The following UCK1 variants were observed in gnomAD, a reference collection of about 807,000 sequenced individuals.
The protein encoded by UCK1 is cytidine monophosphokinase 1.
UCK1 carries 20 observed loss-of-function variants against 34.0 expected under a neutral mutation model. The observed-to-expected ratio is 0.59, with a 90% CI of 0.41 to 0.86. The LOEUF is 0.86. UCK1 is among the 40% of genes least tolerant of loss of function. The pLI, the probability that UCK1 is intolerant of heterozygous loss-of-function variation, is 0.00. For synonymous variants in UCK1, 168 were observed against 155.9 expected, an observed-to-expected ratio of 1.08 and a Z score of -0.58; for missense variants, 343 against 383.6, an observed-to-expected ratio of 0.89 and a Z score of 0.88.
chr9:131,525,857 A>T, intron 6 of UCK1, 72 bp downstream of exon 6: 1 of 1,517,770 alleles, frequency 6.6e-7, no homozygotes, highest in Non-Finnish European at 9.1e-7. Context: ...CAGTAACTGC[A>T]CACTGGTGGA....
At chr9:131,526,587 G>A (rs1564405349) in intron 5 of UCK1, 1 of 1,222,756 alleles carries the variant, frequency 8.2e-7, no homozygotes, top group Non-Finnish European at 1.1e-6. Flanking sequence ...TGGGGGTTGG[G>A]GGGTGGCTTT....
chr9:131,526,899 G>C (rs1403647611), intron 5 of UCK1, among the ~76,000 whole-genome samples: 1 of 152,202 alleles, frequency 6.6e-6, no homozygotes, highest in African/African-American at 2.4e-5. Context: ...AGAGCTGACA[G>C]GGGTCTTAAC....
rs1169191304 is a variant in UCK1, at chr9:131,524,453, A to T, written c.*587T>A. 2 of 152,282 alleles carry T rather than the reference A, an allele frequency of 1.3e-5. No individual in the cohort carries two copies. Among genetic ancestry groups the T allele is most frequent in the African/African-American group, 2.4e-5 (1 of 41,464 alleles). 9.4% of individuals were successfully genotyped at this position (152,282 alleles called of 1,614,324 possible). On this transcript the variant is annotated 3_prime_UTR_variant, in exon 7 of 7. Transcript: ENST00000372215. ...GGAAAACATCCCTCAGTGGCTCCCC[A>T]TATCCGTGTAGGCCACGCTGGACTG...
intron 6 of UCK1, 50 bp downstream of exon 6, chr9:131,525,879 C>A: frequency 6.2e-7 from 1 of 1,601,302 alleles, no homozygotes; most frequent in Non-Finnish European, 8.5e-7. Context: ...CTGTCCCTGC[C>A]TCAAGCTCTG....
In UCK1 at chr9:131,525,828, G is replaced by T; in HGVS notation, c.652+101C>A. 8.0e-6 allele frequency: 10 copies of T among 1,247,850 alleles called. 1 individual carries two copies. The South Asian group carries it at 1.2e-4, about 15-fold the overall frequency. The allele number at this position is 1,247,850 out of a possible 1,614,324, so 77.3% of individuals were successfully genotyped here. On this transcript the variant is annotated intron_variant, in intron 6 of 6. Coordinates refer to ENST00000372215, the MANE Select transcript of UCK1 (RefSeq NM_031432.5). ...TGCCGCAGATCAACACTGGCAGGCC[G>T]CGTGCGCAGGGGAGTGCTCAGTAAC...
At position 131,525,074 on chromosome 9, in the gene UCK1, C is replaced by T. The variant is rs140263063; in HGVS notation, c.800G>A (p.Arg267Gln). 1.7e-5 allele frequency: 27 copies of T among 1,613,254 alleles called. No individual in the cohort carries two copies. The highest frequency in any genetic ancestry group is 8.0e-5 in the African/African-American group (6 of 74,896). ...DHPGMLTSGK[R>Q]SHLESSSRPH ...TCTGCTGCTGGACTCCAAATGTGACCGTTTGCCAGAGGTCAGCATCCCAGG... is the reference window on the plus strand; with the variant it reads ...TCTGCTGCTGGACTCCAAATGTGACTGTTTGCCAGAGGTCAGCATCCCAGG... The change falls in exon 7 of 7, where the codon CGG becomes CAG. Residue 267 changes from arginine to glutamine, a missense_variant. By Grantham distance (43) the Arg-to-Gln change is conservative. Coordinates refer to ENST00000372215, the MANE Select transcript of UCK1 (RefSeq NM_031432.5).
At chr9:131,527,394 T>C (rs7862845) in intron 5 of UCK1, among the ~76,000 whole-genome samples, 18,756 of 152,192 alleles carry the variant, frequency 0.12, 1,349 homozygotes, top group Non-Finnish European at 0.15. Context: ...ACATAGCAGG[T>C]GACAGCACTT....
chr9:131,526,270 G>A, intron 5 of UCK1: 1 of 698,670 alleles, frequency 1.4e-6, no homozygotes, highest in Non-Finnish European at 2.4e-6. Context: ...CATTACAGGA[G>A]ACAGCTGGCT....
chr9:131,530,525 C>T lies in UCK1; in HGVS notation c.229G>A (p.Ala77Thr). ...FYKVLTAEQK[A>T]KALKGQYNFD... ...TTGTACTGTCCTTTCAAGGCCTTGG[C>T]CTTCTGCTCTGCCGTCAGGACCTTG... Residue 77 changes from alanine (A) to threonine (T), a missense_variant, in exon 2 of 7, where the codon GCC becomes ACC. By Grantham distance (58) the Ala-to-Thr change is moderately conservative (BLOSUM62 0). Coordinates refer to ENST00000372215, the MANE Select transcript of UCK1 (RefSeq NM_031432.5). 2 of 1,614,248 alleles carry T rather than the reference C, an allele frequency of 1.2e-6. No homozygotes were observed. The highest frequency in any genetic ancestry group is 1.1e-5 in the South Asian group (1 of 91,092).
rs181965202 is a variant in UCK1 at position 131,524,818 on chromosome 9, C to T, written c.*222G>A. 2.9e-5 allele frequency: 16 copies of T among 545,590 alleles called. No individual in the cohort carries two copies. Among genetic ancestry groups the T allele is most frequent in the South Asian group, 7.9e-5 (3 of 38,028 alleles). 33.8% of individuals were successfully genotyped at this position (545,590 alleles called of 1,614,324 possible). A position where few individuals can be genotyped will look rare whatever the true frequency, so the allele number is the denominator to read the frequency against. On this transcript the variant is annotated 3_prime_UTR_variant, in exon 7 of 7. Transcript: ENST00000372215. Reference sequence around the variant, plus strand: ...ACCTAGAGGGATCTTTAAACCGCAACGAGCCTAAGTGGCTGAAAACCTCAG... The same window carrying T: ...ACCTAGAGGGATCTTTAAACCGCAATGAGCCTAAGTGGCTGAAAACCTCAG...
rs1360886870 is a variant in UCK1 at position 131,529,118 on chromosome 9, G to A, written c.508+10C>T. 1 of 1,613,552 alleles carries A rather than the reference G, an allele frequency of 6.2e-7. No individual in the cohort carries two copies. The highest frequency in any genetic ancestry group is 8.5e-7 in the Non-Finnish European group (1 of 1,179,816). On this transcript the variant is annotated intron_variant, in intron 4 of 6. Transcript: ENST00000372215. ...GGCCAGGCAGGCACGGAGGCCCGCG[G>A]CCGCCTTACCTCTTCGAGACAGCCT... is the stretch of plus-strand genomic sequence containing the variant.
chr9:131,529,067 A>G, intron 4 of UCK1, 29 bp from the exon 5 acceptor site: 1 of 1,613,674 alleles, frequency 6.2e-7, no homozygotes, highest in Non-Finnish European at 8.5e-7. Flanking sequence ...GGCGTGCTTC[A>G]GACCTCAGGA....
intron 2 of UCK1, 88 bp downstream of exon 2, chr9:131,530,398 T>C (rs1212823264): frequency 1.3e-6 from 2 of 1,517,886 alleles, no homozygotes; most frequent in Non-Finnish European, 1.8e-6. Context: ...CGGGTCTGCA[T>C]CCATCCAACC....
intron 5 of UCK1, chr9:131,526,624 A>G (rs747934218): frequency 7.6e-6 from 6 of 787,560 alleles, no homozygotes; most frequent in Non-Finnish European, 1.1e-5. Context: ...CCTGGAGAAC[A>G]TGGCTGAATC....
In UCK1 at chr9:131,525,191, T is replaced by C; in HGVS notation, c.683A>G (p.Gln228Arg). ...GCAGATGTCACCATTCAGAATGTCC[T>C]GGATGTGCTGCACGATCAGGTTGAT... is the stretch of plus-strand genomic sequence containing the variant. ...VAINLIVQHI[Q>R]DILNGDICKW... The change falls in exon 7 of 7, where the codon CAG becomes CGG. Residue 228 changes from glutamine to arginine, a missense_variant. Transcript: ENST00000372215. 6.2e-7 allele frequency: 1 copy of C among 1,614,116 alleles called. No individual in the cohort carries two copies. The highest frequency in any genetic ancestry group is 8.5e-7 in the Non-Finnish European group (1 of 1,180,040).
chr9:131,525,096 C>G lies in UCK1; in HGVS notation c.778G>C (p.Gly260Arg). Reference protein sequence around the residue: ...RTFSEPGDHPGMLTSGKRSHL... With the variant: ...RTFSEPGDHPRMLTSGKRSHL... ...GACCGTTTGCCAGAGGTCAGCATCC[C>G]AGGGTGGTCCCCTGGCTCAGAAAAG... The change falls in exon 7 of 7, where the codon GGG (glycine) becomes CGG (arginine). Residue 260 changes from glycine (G) to arginine (R), a missense_variant. Coordinates refer to ENST00000372215, the MANE Select transcript of UCK1 (RefSeq NM_031432.5). The G allele has an allele frequency of 6.2e-7, 1 of 1,613,808 alleles. No individual in the cohort carries two copies. Among genetic ancestry groups the G allele is most frequent in the East Asian group, 2.2e-5 (1 of 44,890 alleles).
At chr9:131,528,647 T>C in intron 5 of UCK1, 1 of 465,370 alleles carries the variant, frequency 2.1e-6, no homozygotes, top group Non-Finnish European at 3.9e-6. Context: ...TGGCGCTGGG[T>C]GCAGAGGGTT....
chr9:131,526,117 A>G, intron 5 of UCK1, 140 bp from the exon 6 acceptor site: 1 of 949,548 alleles, frequency 1.1e-6, no homozygotes, highest in Non-Finnish European at 1.7e-6. Flanking sequence ...AATGGGGGAC[A>G]CAGACTCAGT....
chr9:131,526,568 G>A, intron 5 of UCK1: 1 of 1,272,686 alleles, frequency 7.9e-7, no homozygotes, highest in Non-Finnish European at 1.0e-6. Flanking sequence ...AGGGTCCGCA[G>A]CCAGATGGTG....
Sources: allele counts gnomAD v4.1 joint callset (sites outside exome capture counted in the v4.1 genomes callset), GRCh38; gene constraint gnomAD v4.1.1; transcripts MANE v1.5; gene names NCBI Gene and HGNC (gene_info 2026-07-23, HGNC 2026-07-21).